Variants in KLHL7 observed in about 807,000 individuals in gnomAD.
The protein encoded by KLHL7 is kelch-like protein 7.
KLHL7 carries 44 observed loss-of-function variants against 67.4 expected under a neutral mutation model. The observed-to-expected ratio is 0.65, with a 90% CI of 0.51 to 0.84. KLHL7 has a LOEUF of 0.84. Ranked by LOEUF, KLHL7 falls within the 40% of genes least tolerant of loss-of-function variation. The pLI is 0.00. For synonymous variants in KLHL7, 252 were observed against 243.3 expected (o/e 1.04, Z -0.33); for missense variants, 362 against 718.1 (o/e 0.50, Z 5.67).
At chr7:23,172,170 T>G in intron 9 of KLHL7, 1 of 456,490 alleles carries the variant, frequency 2.2e-6, no homozygotes, top group Admixed American at 2.3e-5. Flanking sequence ...ACCTTCACAA[T>G]CACAAATGTC....
chr7:23,154,379 G>T (rs534809593), intron 7 of KLHL7, among the ~76,000 whole-genome samples: 1 of 136,802 alleles, frequency 7.3e-6, no homozygotes, highest in Non-Finnish European at 1.6e-5. Context: ...AACAAAAAAA[G>T]ACTATTTACA....
intron 1 of KLHL7, among the ~76,000 whole-genome samples, chr7:23,118,897 C>G (rs1320943202): frequency 1.3e-5 from 2 of 151,876 alleles, no homozygotes; most frequent in African/African-American, 4.8e-5. Context: ...CACAGTGAGA[C>G]CTCGTCTCTA....
At chr7:23,121,259 C>G (rs909945533) in intron 1 of KLHL7, among the ~76,000 whole-genome samples, 7 of 152,120 alleles carry the variant, frequency 4.6e-5, no homozygotes, top group African/African-American at 1.7e-4. Context: ...TAGGTTGACT[C>G]TATATCTTGG....
In KLHL7 at chr7:23,167,788, C is replaced by T. The variant is rs779162507; in HGVS notation, c.1178-48C>T. ...GATCTACAGTCAGTTCTTTCCAAAC[C>T]CCCGCACACACTAAAGTTAAGCATG... On this transcript the variant is annotated intron_variant, in intron 8 of 10. Coordinates refer to ENST00000339077, the MANE Select transcript of KLHL7 (RefSeq NM_001031710.3). 5.2e-6 allele frequency: 8 copies of T among 1,553,122 alleles called. No individual in the cohort carries two copies. The East Asian group carries it at 1.8e-4, about 35-fold the overall frequency.
intron 7 of KLHL7, among the ~76,000 whole-genome samples, chr7:23,160,398 G>A (rs1268682938): frequency 6.6e-6 from 1 of 152,150 alleles, no homozygotes; most frequent in African/African-American, 2.4e-5. Flanking sequence ...GAGTAGCTTA[G>A]GTTTGATTTT....
At chr7:23,164,304 T>C (rs1784934752) in intron 7 of KLHL7, among the ~76,000 whole-genome samples, 1 of 152,228 alleles carries the variant, frequency 6.6e-6, no homozygotes, top group African/African-American at 2.4e-5. Context: ...TTAATGCAGT[T>C]AATGAAATTG....
intron 4 of KLHL7, 124 bp downstream of exon 4, chr7:23,125,296 G>A (rs755091466): frequency 2.9e-5 from 28 of 958,338 alleles, no homozygotes; most frequent in Admixed American, 9.5e-5. Flanking sequence ...CCACTAGAAC[G>A]TTTTCTAGTA....
chr7:23,111,169 G>A lies in KLHL7; in HGVS notation c.120+5023G>A, dbSNP rs546065923. Among the ~76,000 whole-genome samples, 14 of 152,278 alleles carry A rather than the reference G, an allele frequency of 9.2e-5. No individual in the cohort carries two copies. The South Asian group carries it at 1.2e-3, about 14-fold the overall frequency. Reference sequence around the variant, plus strand: ...TATGGGTGGGTAATTTGACCATCAGGAAGTTTTCTCTAAGGAAATGGTCAT... The same window carrying A: ...TATGGGTGGGTAATTTGACCATCAGAAAGTTTTCTCTAAGGAAATGGTCAT... On this transcript the variant is annotated intron_variant, in intron 1 of 10. Coordinates refer to ENST00000339077, the MANE Select transcript of KLHL7 (RefSeq NM_001031710.3).
chr7:23,118,320 C>T (rs1262250422), intron 1 of KLHL7, among the ~76,000 whole-genome samples: 1 of 152,170 alleles, frequency 6.6e-6, no homozygotes, highest in Admixed American at 6.5e-5. Context: ...TTTGAGGACC[C>T]GTCACTACTA....
At chr7:23,158,507 G>T (rs1424145643) in intron 7 of KLHL7, among the ~76,000 whole-genome samples, 1 of 152,092 alleles carries the variant, frequency 6.6e-6, no homozygotes, top group Non-Finnish European at 1.5e-5. Flanking sequence ...GATTTGGTAT[G>T]GATTATTTTC....
At chr7:23,112,358 A>G (rs565051522) in intron 1 of KLHL7, among the ~76,000 whole-genome samples, 1 of 152,342 alleles carries the variant, frequency 6.6e-6, no homozygotes, top group African/African-American at 2.4e-5. Context: ...ACTGAAGTAT[A>G]TATGACAAAT....
chr7:23,110,995 A>G (rs1459981572), intron 1 of KLHL7, among the ~76,000 whole-genome samples: 3 of 152,100 alleles, frequency 2.0e-5, no homozygotes, highest in Non-Finnish European at 4.4e-5. Flanking sequence ...TGGGGTTGCA[A>G]TGATAAGCAA....
In KLHL7 at chr7:23,119,135, C is replaced by T. The variant is rs1783222456; in HGVS notation, c.121-4642C>T. ...TAAATTTATTCCCTCACCTCCTTCTCTACACACAGTTACCCCTATCATTAA... is the reference window on the plus strand; with the variant it reads ...TAAATTTATTCCCTCACCTCCTTCTTTACACACAGTTACCCCTATCATTAA... On this transcript the variant is annotated intron_variant, in intron 1 of 10. Coordinates refer to ENST00000339077, the MANE Select transcript of KLHL7 (RefSeq NM_001031710.3). Among the ~76,000 whole-genome samples, 2 of 152,214 alleles carry T rather than the reference C, an allele frequency of 1.3e-5. 1 individual carries two copies. The highest frequency in any genetic ancestry group is 4.1e-4 in the South Asian group (2 of 4,830).
intron 7 of KLHL7, 141 bp downstream of exon 7, chr7:23,152,350 C>A (rs942156607): frequency 1.2e-5 from 9 of 780,988 alleles, no homozygotes; most frequent in Non-Finnish European, 1.7e-5. Context: ...TTATGAGATA[C>A]ATAGATCATT....
At chr7:23,124,230 G>T (rs1562558730) in intron 2 of KLHL7, among the ~76,000 whole-genome samples, 1 of 136,874 alleles carries the variant, frequency 7.3e-6, no homozygotes, top group African/African-American at 2.8e-5. Flanking sequence ...AAAGCCCAGG[G>T]TTTTCTTTTT....
At chr7:23,168,099 G>A in intron 9 of KLHL7, 62 bp downstream of exon 9, 1 of 1,494,540 alleles carries the variant, frequency 6.7e-7, no homozygotes, top group Admixed American at 1.7e-5. Context: ...TGTAGGAGAT[G>A]TCAAAAGACC....
At chr7:23,114,610 ATGCTTTGTTCT>A (rs1175348925) in intron 1 of KLHL7, among the ~76,000 whole-genome samples, 5 of 152,144 alleles carry the variant, frequency 3.3e-5, no homozygotes, top group Non-Finnish European at 5.9e-5. Flanking sequence ...AGCTCAGGGA[ATGCTTTGTTCT>A]ATCTTAAATG....
rs1195309998 is a variant in KLHL7 at position 23,174,720 on chromosome 7, T to C, written c.*422T>C. On this transcript the variant is annotated 3_prime_UTR_variant, in exon 11 of 11. Transcript: ENST00000339077. ...GTCAAGAACTAAGAAATAGTATGAA[T>C]TGTAAGTCAAGATGGGCAACTCAGA... 1.8e-5 allele frequency: 8 copies of C among 455,284 alleles called. No individual in the cohort carries two copies. In the Admixed American group the frequency reaches 1.9e-4, roughly 11 times the overall value. 28.2% of individuals were successfully genotyped at this position (455,284 alleles called of 1,614,324 possible).
At chr7:23,138,474 AAAAAAAAAAAG>A (rs1784063082) in intron 4 of KLHL7, among the ~76,000 whole-genome samples, 1 of 150,040 alleles carries the variant, frequency 6.7e-6, no homozygotes, top group East Asian at 2.0e-4. Flanking sequence ...AAAAAAAAAA[AAAAAAAAAAAG>A]AAGGTATAAA....
Sources: gnomAD v4.1 joint callset for allele counts (sites outside exome capture counted in the v4.1 genomes callset) on GRCh38, gnomAD v4.1.1 for gene constraint, MANE v1.5 for transcripts, NCBI Gene and HGNC (gene_info 2026-07-23, HGNC 2026-07-21) for gene names.